The following ZNF541 variants were observed in gnomAD, a reference collection of about 807,000 sequenced individuals.
ZNF541 encodes zinc finger protein 541.
ZNF541 carries 23 observed loss-of-function variants against 123.5 expected under a neutral mutation model. The observed-to-expected ratio is 0.19, with a 90% CI of 0.13 to 0.26. ZNF541 has a LOEUF of 0.26. ZNF541 is among the 10% of genes least tolerant of loss of function. The pLI is 1.00. For synonymous variants in ZNF541, 751 were observed against 754.5 expected, an observed-to-expected ratio of 1.00 and a Z score of 0.08; for missense variants, 1,612 against 1,789.9, an observed-to-expected ratio of 0.90 and a Z score of 1.79.
Position 47,544,797 on chromosome 19 carries a change from A to C in ZNF541, c.1732T>G (p.Ser578Ala). 6.5e-7 allele frequency: 1 copy of C among 1,527,538 alleles called. No individual in the cohort carries two copies. The highest frequency in any genetic ancestry group is 8.8e-7 in the Non-Finnish European group (1 of 1,141,478). 94.6% of individuals were successfully genotyped at this position (1,527,538 alleles called of 1,614,324 possible). Residue 578 changes from serine to alanine, a missense_variant, in exon 5 of 17, where the codon TCC becomes GCC. Transcript: ENST00000391901. Reference protein sequence around the residue: ...FSHAQVAAVSSQLPAPEGKPA... With the variant: ...FSHAQVAAVSAQLPAPEGKPA... ...TTGCCCTCGGGCGCAGGGAGCTGGG[A>C]GGAGACTGCTGCCACCTGGGCATGG...
rs574898106 is a variant in ZNF541 at position 47,559,818 on chromosome 19, C to G, written c.-98-3864G>C. On this transcript the variant is annotated intron_variant, in intron 2 of 16. Coordinates refer to ENST00000391901, the MANE Select transcript of ZNF541 (RefSeq NM_001277075.3). Reference sequence around the variant, plus strand: ...TGAGCCGAGATTGTGCCTCTGCACTCCAGCCTGGGTGACAGAGCAAGACTC... The same window carrying G: ...TGAGCCGAGATTGTGCCTCTGCACTGCAGCCTGGGTGACAGAGCAAGACTC... Among the ~76,000 whole-genome samples, 301 of 149,994 alleles carry G rather than the reference C, an allele frequency of 2.0e-3. 1 individual carries two copies. Among genetic ancestry groups the G allele is most frequent in the South Asian group, 6.1e-3 (29 of 4,718 alleles).
intron 2 of ZNF541, among the ~76,000 whole-genome samples, chr19:47,571,020 A>G (rs905086826): frequency 2.0e-5 from 3 of 152,144 alleles, no homozygotes; most frequent in Admixed American, 6.5e-5. Flanking sequence ...CCACATACAC[A>G]TGTGCCCAAG....
chr19:47,527,659 G>C (rs1969359261), intron 14 of ZNF541, among the ~76,000 whole-genome samples: 3 of 152,086 alleles, frequency 2.0e-5, no homozygotes, highest in African/African-American at 4.8e-5. Flanking sequence ...GCCTCCCAAA[G>C]TGCTAGGATT....
Position 47,545,319 on chromosome 19 carries a change from C to CA in ZNF541, c.1209dup (p.Ala404CysfsTer94), listed in dbSNP as rs1568501801. Reference sequence around the variant, plus strand: ...CTGTGGCTCGATGGCTGGGAACTGGCAGGGACCGTCTGGCCTCGGAAGAGA... The same window carrying CA: ...CTGTGGCTCGATGGCTGGGAACTGGCAAGGGACCGTCTGGCCTCGGAAGAGA... On this transcript the variant is annotated frameshift_variant, in exon 5 of 17. Coordinates refer to ENST00000391901, the MANE Select transcript of ZNF541 (RefSeq NM_001277075.3). LOFTEE classifies it high-confidence loss of function. This position sits in a 1 kb window ranked among gnomAD's most constrained non-coding sequence, Gnocchi z 7.5. The CA allele has an allele frequency of 2.6e-6, 4 of 1,548,848 alleles. No homozygotes were observed.
intron 2 of ZNF541, among the ~76,000 whole-genome samples, chr19:47,565,416 TTA>T (rs889378205): frequency 9.2e-5 from 14 of 152,308 alleles, no homozygotes; most frequent in African/African-American, 3.4e-4. Flanking sequence ...CTGGGTGTGT[TTA>T]TGATTGCACT....
In ZNF541 at chr19:47,555,720, T is replaced by C. The variant is rs1970792482; in HGVS notation, c.137A>G (p.Tyr46Cys). Residue 46 changes from tyrosine (Y) to cysteine (C), a missense_variant, in exon 3 of 17, where the codon TAT becomes TGT. Transcript: ENST00000391901. ...CGGGTCCAGACCACTCAGGCCAGCA[T>C]AAAGAAAGCCTCGCGTGTTGGGACC... ...DLGPNTRGFLYAGLSGLDPDP... is the reference protein window; with the variant it reads ...DLGPNTRGFLCAGLSGLDPDP... 1.9e-6 allele frequency: 3 copies of C among 1,551,700 alleles called. No individual in the cohort carries two copies. The highest frequency in any genetic ancestry group is 2.6e-6 in the Non-Finnish European group (3 of 1,146,998).
chr19:47,571,534 C>G (rs1353882695), intron 2 of ZNF541, among the ~76,000 whole-genome samples: 1 of 152,230 alleles, frequency 6.6e-6, no homozygotes, highest in Admixed American at 6.5e-5. Flanking sequence ...CCTGGCATTT[C>G]CACTGCCTGG....
chr19:47,539,700 C>A lies in ZNF541; in HGVS notation c.2796+5G>T. On this transcript the variant is annotated splice_donor_5th_base_variant and intron_variant, in intron 8 of 16. Transcript: ENST00000391901. ...CAGGAAGGAGGCAGGCCGACAAGCA[C>A]CCACCATGGCCATGCTCCCTATGTG... The A allele has an allele frequency of 2.9e-6, 4 of 1,394,594 alleles. No individual in the cohort carries two copies. Among genetic ancestry groups the A allele is most frequent in the Non-Finnish European group, 3.7e-6 (4 of 1,075,378 alleles). The allele number at this position is 1,394,594 out of a possible 1,614,324, so 86.4% of individuals were successfully genotyped here.
chr19:47,546,028 G>A, intron 4 of ZNF541, 48 bp from the exon 5 acceptor site: 1 of 1,428,034 alleles, frequency 7.0e-7, no homozygotes, highest in Non-Finnish European at 9.2e-7. Context: ...CTGGGACCGG[G>A]CTTTCTGCTG....
Position 47,521,584 on chromosome 19 carries a change from C to T in ZNF541, c.3782G>A (p.Arg1261Lys), listed in dbSNP as rs1969031450. The T allele has an allele frequency of 1.3e-6, 2 of 1,551,630 alleles. No homozygotes were observed. Among genetic ancestry groups the T allele is most frequent in the African/African-American group, 1.4e-5 (1 of 73,028 alleles). The change falls in exon 16 of 17, where the codon AGG becomes AAG. Residue 1261 changes from arginine (R) to lysine (K), a missense_variant. By Grantham distance (26) the Arg-to-Lys change is conservative. This residue lies in a region of ZNF541 where 285 missense variants were observed against 407.3 expected (regional missense o/e 0.70). Coordinates refer to ENST00000391901, the MANE Select transcript of ZNF541 (RefSeq NM_001277075.3). The surrounding 1 kb of genome is among the most constrained non-coding windows in gnomAD (Gnocchi z 4.2). ...TPKLKTKSYR[R>K]ESILSSSPNA... Reference sequence around the variant, plus strand: ...TGGGCTGGAGCTGAGGATGGACTCCCTCCTATAACTCTTGGTCTTTAACTT... The same window carrying T: ...TGGGCTGGAGCTGAGGATGGACTCCTTCCTATAACTCTTGGTCTTTAACTT...
intron 13 of ZNF541, 27 bp from the exon 14 acceptor site, chr19:47,529,065 GA>G (rs2122928913): frequency 6.6e-7 from 1 of 1,521,086 alleles, no homozygotes; most frequent in African/African-American, 1.4e-5. Flanking sequence ...CCAACAGGGG[GA>G]AGGCCATTTG....
At chr19:47,540,462 T>C (rs1237251951) in intron 6 of ZNF541, 127 bp from the exon 7 acceptor site, 6 of 1,004,684 alleles carry the variant, frequency 6.0e-6, no homozygotes, top group African/African-American at 1.7e-5. Flanking sequence ...TTTTTGGAGA[T>C]GGAGTCTCAC....
rs913898255 is a variant in ZNF541, at chr19:47,540,251, C to A, written c.2547G>T (p.Thr849=). Residue 849 remains threonine, a synonymous_variant, in exon 7 of 17, where the codon ACG becomes ACT. Coordinates refer to ENST00000391901, the MANE Select transcript of ZNF541 (RefSeq NM_001277075.3). ...VCKNCSQMFY[T]EKGLSSHMCF... ...ACATGTGGCTGCTCAGCCCTTTCTC[C>A]GTATAAAACATCTGGCTGCAGTTCT... 4 of 1,551,812 alleles carry A rather than the reference C, an allele frequency of 2.6e-6. No individual in the cohort carries two copies. The highest frequency in any genetic ancestry group is 2.6e-6 in the Non-Finnish European group (3 of 1,147,022).
Position 47,555,781 on chromosome 19 carries a change from C to G in ZNF541, c.76G>C (p.Gly26Arg), listed in dbSNP as rs745973883. 32 of 1,551,562 alleles carry G rather than the reference C, an allele frequency of 2.1e-5. No individual in the cohort carries two copies. The South Asian group carries it at 3.7e-4, about 18-fold the overall frequency. ...TTGAGGGTGTCGCTGCAGTTGAGCC[C>G]TTGGCTCTCTGAAAATGAAGGGAGG... Reference protein sequence around the residue: ...MHLPSFSESQGLNCSDTLNRD... With the variant: ...MHLPSFSESQRLNCSDTLNRD... The change falls in exon 3 of 17, where the codon GGG (glycine) becomes CGG (arginine). Residue 26 changes from glycine to arginine, a missense_variant. Around this residue, in one of 5 missense-constraint regions of ZNF541, gnomAD observed 212 missense variants for 289.6 expected, o/e 0.73. Transcript: ENST00000391901.
intron 9 of ZNF541, among the ~76,000 whole-genome samples, chr19:47,536,201 C>T (rs752244944): frequency 7.0e-4 from 107 of 152,190 alleles, no homozygotes; most frequent in Admixed American, 9.2e-4. Context: ...CCGGTAAATC[C>T]ACAACCTTCC....
At chr19:47,568,949 C>T (rs1176707000) in intron 2 of ZNF541, among the ~76,000 whole-genome samples, 1 of 152,144 alleles carries the variant, frequency 6.6e-6, no homozygotes. Flanking sequence ...GGATTACAGG[C>T]GTGAGCCACT....
At chr19:47,569,693 G>A (rs1025181311) in intron 2 of ZNF541, among the ~76,000 whole-genome samples, 4 of 151,598 alleles carry the variant, frequency 2.6e-5, no homozygotes, top group Non-Finnish European at 4.4e-5. Flanking sequence ...TGAGATCCCC[G>A]CCGCCCCCCA....
At chr19:47,538,010 G>T in intron 9 of ZNF541, 132 bp downstream of exon 9, 4 of 1,080,196 alleles carry the variant, frequency 3.7e-6, no homozygotes, top group Middle Eastern at 3.1e-4. Flanking sequence ...CATCTGAATA[G>T]CAAAGGAACC....
chr19:47,531,860 A>G (rs1969587757), intron 11 of ZNF541, 115 bp from the exon 12 acceptor site: 2 of 1,022,650 alleles, frequency 2.0e-6, no homozygotes, highest in African/African-American at 1.6e-5. Flanking sequence ...TCTCTCCTGC[A>G]TCTCAGGGAG....
Sources: gnomAD v4.1 joint callset for allele counts (sites outside exome capture counted in the v4.1 genomes callset) on GRCh38, gnomAD v4.1.1 for gene constraint, gnomAD v4.1.1 regional missense constraint, Gnocchi (gnomAD v3.1) non-coding constraint, MANE v1.5 for transcripts, NCBI Gene and HGNC (gene_info 2026-07-23, HGNC 2026-07-21) for gene names.